OR2L2: variants seen among roughly 807,000 people sequenced by gnomAD.
The protein encoded by OR2L2 is olfactory receptor family 2 subfamily L member 2.
For missense variants in OR2L2, 378 were observed against 375.2 expected (o/e 1.01, Z -0.06); for synonymous variants, 156 against 135.4 (o/e 1.15, Z -1.06).
In OR2L2 at chr1:248,038,770, G is replaced by T. The variant is rs1236218005; in HGVS notation, c.503G>T (p.Cys168Phe). ...HTVYALCIPY[C>F]KSRAINHFFC... ...GTATATGCACTCTGTATCCCATATTGCAAGTCCAGAGCCATCAATCATTTT... is the reference window on the plus strand; with the variant it reads ...GTATATGCACTCTGTATCCCATATTTCAAGTCCAGAGCCATCAATCATTTT... Residue 168 changes from cysteine (C) to phenylalanine (F), a missense_variant, in exon 3 of 3, where the codon TGC becomes TTC. Transcript: ENST00000641771. The T allele has an allele frequency of 6.2e-7, 1 of 1,614,130 alleles. No homozygotes were observed. The highest frequency in any genetic ancestry group is 1.7e-5 in the Admixed American group (1 of 60,012).
At position 248,041,399 on chromosome 1, in the gene OR2L2, A is replaced by G. The variant is rs1310151831; in HGVS notation, c.*2193A>G. The G allele has an allele frequency of 1.3e-5, 2 of 152,230 alleles. No individual in the cohort carries two copies. The highest frequency in any genetic ancestry group is 6.5e-5 in the Admixed American group (1 of 15,282). 9.4% of individuals were successfully genotyped at this position (152,230 alleles called of 1,614,324 possible). ...ACTTAAACGTTAGACCTAAAACCAT[A>G]AAAACCCTAGAAGAAAACCTAGGCT... On this transcript the variant is annotated 3_prime_UTR_variant, in exon 3 of 3. Coordinates refer to ENST00000641771, the MANE Select transcript of OR2L2 (RefSeq NM_001385855.1).
At chr1:248,036,090 C>A (rs1363533069) in intron 2 of OR2L2, among the ~76,000 whole-genome samples, 1 of 152,108 alleles carries the variant, frequency 6.6e-6, no homozygotes, top group African/African-American at 2.4e-5. Context: ...TACATGCCAT[C>A]TGAATATGGT....
intron 1 of OR2L2, among the ~76,000 whole-genome samples, chr1:248,030,656 C>T (rs1225246150): frequency 1.3e-5 from 2 of 152,060 alleles, no homozygotes; most frequent in Non-Finnish European, 2.9e-5. Context: ...GTACGATGCT[C>T]ATTATAATCT....
chr1:248,032,587 CTG>C (rs1662648558), intron 1 of OR2L2, among the ~76,000 whole-genome samples: 1 of 152,172 alleles, frequency 6.6e-6, no homozygotes, highest in Admixed American at 6.5e-5. Context: ...TGGGTACTTC[CTG>C]TACATAAATT....
intron 1 of OR2L2, among the ~76,000 whole-genome samples, chr1:248,032,086 C>G (rs1456405350): frequency 6.6e-6 from 1 of 152,082 alleles, no homozygotes; most frequent in Non-Finnish European, 1.5e-5. Flanking sequence ...CAAACTATTG[C>G]ATCAGTCTTA....
Position 248,041,170 on chromosome 1 carries a change from A to G in OR2L2, c.*1964A>G, listed in dbSNP as rs1043220371. ...TGGTACCAAAACAGAAATATAGATCAATGCAACAGAACAGAGCCCTCAGAA... is the reference window on the plus strand; with the variant it reads ...TGGTACCAAAACAGAAATATAGATCGATGCAACAGAACAGAGCCCTCAGAA... On this transcript the variant is annotated 3_prime_UTR_variant, in exon 3 of 3. Coordinates refer to ENST00000641771, the MANE Select transcript of OR2L2 (RefSeq NM_001385855.1). The G allele has an allele frequency of 6.6e-6, 1 of 152,226 alleles. No homozygotes were observed. Among genetic ancestry groups the G allele is most frequent in the Non-Finnish European group, 1.5e-5 (1 of 68,042 alleles). The allele number at this position is 152,226 out of a possible 1,614,324, so 9.4% of individuals were successfully genotyped here.
chr1:248,039,149 G>A lies in OR2L2; in HGVS notation c.882G>A (p.Lys294=), dbSNP rs777130429. 1.9e-6 allele frequency: 3 copies of A among 1,613,554 alleles called. No homozygotes were observed. In the East Asian group the frequency reaches 6.7e-5, roughly 36 times the overall value. The change falls in exon 3 of 3, where the codon AAG becomes AAA. Residue 294 remains lysine, a synonymous_variant. Transcript: ENST00000641771. ...LNPIIYSLRN[K]EVMGALTQVI... is the part of the protein sequence containing the mutation. The stretch of plus-strand genomic sequence containing the variant: ...CCATCATCTACAGCCTGAGAAACAA[G>A]GAGGTGATGGGGGCCCTGACACAAG...
At position 248,040,085 on chromosome 1, in the gene OR2L2, A is replaced by T. The variant is rs940935657; in HGVS notation, c.*879A>T. 3 of 152,226 alleles carry T rather than the reference A, an allele frequency of 2.0e-5. No homozygotes were observed. Among genetic ancestry groups the T allele is most frequent in the African/African-American group, 4.8e-5 (2 of 41,442 alleles). 9.4% of individuals were successfully genotyped at this position (152,226 alleles called of 1,614,324 possible). A position where few individuals can be genotyped will look rare whatever the true frequency, so the allele number is the denominator to read the frequency against. ...CTCCTCAGTTGCCACGGGTATTTTC[A>T]TGCAAGACATTCTCTTCTGCACAAT... is the stretch of plus-strand genomic sequence containing the variant. On this transcript the variant is annotated 3_prime_UTR_variant, in exon 3 of 3. Transcript: ENST00000641771.
intron 1 of OR2L2, 122 bp downstream of exon 1, chr1:248,030,357 G>T (rs934260690): frequency 1.3e-5 from 2 of 152,134 alleles, no homozygotes; most frequent in Non-Finnish European, 2.9e-5. Context: ...ACTAATGACT[G>T]TACTTTCTCT....
intron 2 of OR2L2, among the ~76,000 whole-genome samples, chr1:248,037,973 T>C (rs936927658): frequency 6.6e-6 from 1 of 152,212 alleles, no homozygotes; most frequent in South Asian, 2.1e-4. Flanking sequence ...AATATGATGG[T>C]TTGAAAGAAA....
Position 248,038,360 on chromosome 1 carries a change from T to A in OR2L2, c.93T>A (p.Phe31Leu), listed in dbSNP as rs1254397583. Residue 31 changes from phenylalanine (F) to leucine (L), a missense_variant, in exon 3 of 3, where the codon TTT becomes TTA. Transcript: ENST00000641771. ...GCCTTTTCGTATTCACCCTCATTTT[T>A]CTCATTTTCCTAATGGCTCTAATTG... ...RIGLFVFTLI[F>L]LIFLMALIGN... 6.2e-7 allele frequency: 1 copy of A among 1,613,510 alleles called. No individual in the cohort carries two copies. Among genetic ancestry groups the A allele is most frequent in the East Asian group, 2.2e-5 (1 of 44,894 alleles).
At chr1:248,031,723 C>T (rs1009806472) in intron 1 of OR2L2, among the ~76,000 whole-genome samples, 1 of 152,122 alleles carries the variant, frequency 6.6e-6, no homozygotes, top group Non-Finnish European at 1.5e-5. Flanking sequence ...GTCAAATAAG[C>T]TTGCCTTGTA....
rs2103100325 is a variant in OR2L2, at chr1:248,041,476, A to C, written c.*2270A>C. The C allele has an allele frequency of 6.6e-6, 1 of 152,378 alleles. No homozygotes were observed. Among genetic ancestry groups the C allele is most frequent in the South Asian group, 2.1e-4 (1 of 4,826 alleles). The allele number at this position is 152,378 out of a possible 1,614,324, so 9.4% of individuals were successfully genotyped here. A position where few individuals can be genotyped will look rare whatever the true frequency, so the allele number is the denominator to read the frequency against. On this transcript the variant is annotated 3_prime_UTR_variant, in exon 3 of 3. Coordinates refer to ENST00000641771, the MANE Select transcript of OR2L2 (RefSeq NM_001385855.1). The stretch of plus-strand genomic sequence containing the variant: ...AAGGACTTCATGTCTAAAATACCAA[A>C]AGCAATGGCAACAAAAGCCAAAATT...
At position 248,039,420 on chromosome 1, in the gene OR2L2, G is replaced by A. The variant is rs945857111; in HGVS notation, c.*214G>A. 3 of 361,540 alleles carry A rather than the reference G, an allele frequency of 8.3e-6. No individual in the cohort carries two copies. Among genetic ancestry groups the A allele is most frequent in the South Asian group, 5.5e-5 (1 of 18,134 alleles). 22.4% of individuals were successfully genotyped at this position (361,540 alleles called of 1,614,324 possible). ...TTTTGTTTGTGTGTGGTTTTTGTTT[G>A]TTTGTTTGTTTGTCTTTTTAATGGA... On this transcript the variant is annotated 3_prime_UTR_variant, in exon 3 of 3. Coordinates refer to ENST00000641771, the MANE Select transcript of OR2L2 (RefSeq NM_001385855.1).
rs1204282548 is a variant in OR2L2, at chr1:248,039,846, TTAAAG to T, written c.*644_*648del. 1 of 152,234 alleles carries T rather than the reference TTAAAG, an allele frequency of 6.6e-6. No individual in the cohort carries two copies. The highest frequency in any genetic ancestry group is 1.5e-5 in the Non-Finnish European group (1 of 68,044). The allele number at this position is 152,234 out of a possible 1,614,324, so 9.4% of individuals were successfully genotyped here. ...TGGTATGTATGTCTTCTTCTTTTTC[TTAAAG>T]TAATGTTTTACTAATAAGTTTACCT... On this transcript the variant is annotated 3_prime_UTR_variant, in exon 3 of 3. Transcript: ENST00000641771.
chr1:248,034,722 G>A lies in OR2L2; in HGVS notation c.-96-828G>A, dbSNP rs535881963. ...GTTAGGTTTAATCCTTAAGTGTTTC[G>A]TTTCTTTCTGATACTATTGTAAATA... On this transcript the variant is annotated intron_variant, in intron 1 of 2. Transcript: ENST00000641771. 5.9e-5 allele frequency among the ~76,000 whole-genome samples: 9 copies of A among 152,062 alleles called. No individual in the cohort carries two copies. In the South Asian group the frequency reaches 8.3e-4, roughly 14 times the overall value.
rs1662851661 is a variant in OR2L2, at chr1:248,038,849, T to C, written c.582T>C (p.Tyr194=). The part of the protein sequence containing the change: ...LTLACTDTWV[Y]ESTVFLSSTI... ...TAGCCTGCACAGACACTTGGGTCTA[T>C]GAGAGCACAGTGTTTTTGAGCAGCA... is the stretch of plus-strand genomic sequence containing the variant. The change falls in exon 3 of 3, where the codon TAT becomes TAC. Residue 194 remains tyrosine (Y), a synonymous_variant. Transcript: ENST00000641771. 1 of 1,614,094 alleles carries C rather than the reference T, an allele frequency of 6.2e-7. No individual in the cohort carries two copies. Among genetic ancestry groups the C allele is most frequent in the Non-Finnish European group, 8.5e-7 (1 of 1,179,934 alleles).
chr1:248,037,618 A>G (rs1400856098), intron 2 of OR2L2, among the ~76,000 whole-genome samples: 2 of 152,194 alleles, frequency 1.3e-5, no homozygotes, highest in Non-Finnish European at 2.9e-5. Context: ...TTTTTTCTAA[A>G]TAGAATAAAT....
At chr1:248,030,970 A>G (rs985769373) in intron 1 of OR2L2, among the ~76,000 whole-genome samples, 3 of 152,206 alleles carry the variant, frequency 2.0e-5, no homozygotes, top group South Asian at 4.1e-4. Flanking sequence ...CCTGTGTATA[A>G]CATCATTAAT....
Sources: allele counts gnomAD v4.1 joint callset (sites outside exome capture counted in the v4.1 genomes callset), GRCh38; gene constraint gnomAD v4.1.1; transcripts MANE v1.5; gene names NCBI Gene and HGNC (gene_info 2026-07-23, HGNC 2026-07-21).